PABPC4: variants seen among roughly 807,000 people sequenced by gnomAD.
PABPC4 encodes polyadenylate-binding protein 4.
Under a neutral mutation model 74.5 loss-of-function variants are expected in PABPC4, and 15 were observed. The observed-to-expected ratio is 0.20, with a 90% CI of 0.13 to 0.31. The LOEUF (loss-of-function observed/expected upper bound fraction) is 0.31. Ranked by LOEUF, PABPC4 falls within the 10% of genes least tolerant of loss-of-function variation. The pLI is 1.00. For missense variants in PABPC4, 610 were observed against 853.5 expected (o/e 0.71, Z 3.55); for synonymous variants, 345 against 303.0 (o/e 1.14, Z -1.44).
chr1:39,572,732 C>T, intron 1 of PABPC4, 146 bp from the exon 2 acceptor site: 1 of 594,068 alleles, frequency 1.7e-6, no homozygotes, highest in South Asian at 2.4e-5. Context: ...CATCAGATTC[C>T]TCCAGCCTGC....
In PABPC4 at chr1:39,563,710, T is replaced by G; in HGVS notation, c.1572A>C (p.Pro524=). Residue 524 remains proline (P), a synonymous_variant, in exon 12 of 16, where the codon CCA becomes CCC. Transcript: ENST00000372858. ...GVPTAVQNLA[P]RAAVAAAAPR... ...GAGCAGCAGCAGCAACAGCAGCGCG[T>G]GGCGCTAAGTTCTGCACAGCTGTGG... is the stretch of plus-strand genomic sequence containing the variant. 6.2e-7 allele frequency: 1 copy of G among 1,614,238 alleles called. No individual in the cohort carries two copies.
Position 39,561,669 on chromosome 1 carries a change from A to G in PABPC4, c.*13+16T>C. On this transcript the variant is annotated intron_variant, in intron 15 of 15. Coordinates refer to ENST00000372858, the MANE Select transcript of PABPC4 (RefSeq NM_001135653.2). ...ACAATGCTCATAGGAACAAAAATGA[A>G]AATAGCCACACATACGGTTTTTCCT... 6.4e-7 allele frequency: 1 copy of G among 1,571,960 alleles called. No individual in the cohort carries two copies. The highest frequency in any genetic ancestry group is 1.3e-5 in the African/African-American group (1 of 74,116).
chr1:39,566,477 C>A (rs765780218), intron 7 of PABPC4, among the ~76,000 whole-genome samples: 1 of 152,192 alleles, frequency 6.6e-6, no homozygotes, highest in Non-Finnish European at 1.5e-5. Context: ...CTGGTTCAGG[C>A]AGTCTTTTCC....
At chr1:39,567,593 G>A (rs747846815) in intron 7 of PABPC4, 158 bp downstream of exon 7, 15 of 700,264 alleles carry the variant, frequency 2.1e-5, no homozygotes, top group Non-Finnish European at 3.4e-5. Context: ...CTAATGAAAT[G>A]TCATTCTCCA....
chr1:39,570,180 T>C (rs1239339375), intron 3 of PABPC4, among the ~76,000 whole-genome samples, 178 bp from the exon 4 acceptor site: 1 of 152,220 alleles, frequency 6.6e-6, no homozygotes, highest in African/African-American at 2.4e-5. Flanking sequence ...AAGGCAGGAC[T>C]ATCCTGTGAG....
intron 3 of PABPC4, chr1:39,570,701 GGGATGGGATTTTTT>G (rs1308768206): frequency 1.3e-5 from 2 of 157,932 alleles, no homozygotes; most frequent in African/African-American, 4.8e-5. Flanking sequence ...TTTCTGCAAA[GGGATGGGATTTTTT>G]CATTGTCACC....
At chr1:39,570,130 G>C (rs1645916877) in intron 3 of PABPC4, 128 bp from the exon 4 acceptor site, 1 of 878,730 alleles carries the variant, frequency 1.1e-6, no homozygotes, top group Admixed American at 2.4e-5. Context: ...CACCACCAAG[G>C]AGGCTCAGAG....
chr1:39,572,264 T>C, intron 2 of PABPC4, 129 bp downstream of exon 2: 1 of 720,920 alleles, frequency 1.4e-6, no homozygotes, highest in South Asian at 1.9e-5. Context: ...ACTTTTAGGA[T>C]TCCATGTCCA....
At chr1:39,565,807 G>T (rs887644980) in intron 7 of PABPC4, among the ~76,000 whole-genome samples, 2 of 151,648 alleles carry the variant, frequency 1.3e-5, no homozygotes, top group Admixed American at 6.6e-5. Context: ...CAGCCTGGGC[G>T]ACAGAGCGAG....
In PABPC4 at chr1:39,573,688, G is replaced by A. The variant is rs987771892; in HGVS notation, c.194-1102C>T. ...TACACAATTAGCTGGGCATGGTGGC[G>A]GGTGCCTGTAATCCCAGCTACTCAG... is the stretch of plus-strand genomic sequence containing the variant. On this transcript the variant is annotated intron_variant, in intron 1 of 15. Coordinates refer to ENST00000372858, the MANE Select transcript of PABPC4 (RefSeq NM_001135653.2). Among the ~76,000 whole-genome samples, 14 of 152,184 alleles carry A rather than the reference G, an allele frequency of 9.2e-5. No homozygotes were observed. The East Asian group carries it at 2.3e-3, about 25-fold the overall frequency.
At position 39,563,699 on chromosome 1, in the gene PABPC4, A is replaced by G; in HGVS notation, c.1583T>C (p.Val528Ala). The G allele has an allele frequency of 6.2e-7, 1 of 1,614,230 alleles. No homozygotes were observed. The highest frequency in any genetic ancestry group is 8.5e-7 in the Non-Finnish European group (1 of 1,180,028). The change falls in exon 12 of 16, where the codon GTT becomes GCT. Residue 528 changes from valine to alanine, a missense_variant. By Grantham distance (64) the Val-to-Ala change is moderately conservative (BLOSUM62 0). This residue lies in a region of PABPC4 where 277 missense variants were observed against 301.8 expected (regional missense o/e 0.92). Transcript: ENST00000372858. Reference protein sequence around the residue: ...AVQNLAPRAAVAAAAPRAVAP... With the variant: ...AVQNLAPRAAAAAAAPRAVAP... ...AACAGCCCGGGGAGCAGCAGCAGCA[A>G]CAGCAGCGCGTGGCGCTAAGTTCTG...
Position 39,576,293 on chromosome 1 carries a change from CT to C in PABPC4, c.-343del, listed in dbSNP as rs1646025030. On this transcript the variant is annotated 5_prime_UTR_variant, in exon 1 of 16. Transcript: ENST00000372858. ...AATCCCCTTCCGAAGGGTAAAAATC[CT>C]TTAAGAGGCGACCGGACGCTGCCCA... 4.7e-6 allele frequency: 1 copy of C among 211,976 alleles called. No homozygotes were observed. Among genetic ancestry groups the C allele is most frequent in the Non-Finnish European group, 9.3e-6 (1 of 107,356 alleles). The allele number at this position is 211,976 out of a possible 1,614,324, so 13.1% of individuals were successfully genotyped here. A position where few individuals can be genotyped will look rare whatever the true frequency, so the allele number is the denominator to read the frequency against.
At chr1:39,574,698 C>G (rs1645991372) in intron 1 of PABPC4, among the ~76,000 whole-genome samples, 2 of 152,214 alleles carry the variant, frequency 1.3e-5, no homozygotes, top group African/African-American at 2.4e-5. Context: ...TAACTCTGGG[C>G]CTCAGACAGA....
intron 5 of PABPC4, 29 bp downstream of exon 5, chr1:39,569,566 G>C (rs1645906831): frequency 6.4e-7 from 1 of 1,569,798 alleles, no homozygotes; most frequent in African/African-American, 1.4e-5. Context: ...CCTCTTAAAA[G>C]CTTTTCCCAA....
chr1:39,564,310 C>T (rs1645803424), intron 10 of PABPC4, 113 bp downstream of exon 10: 1 of 1,286,998 alleles, frequency 7.8e-7, no homozygotes, highest in South Asian at 1.5e-5. Context: ...GCTAAGATTA[C>T]AGAACCAGGA....
At chr1:39,565,611 C>T (rs35270389) in intron 7 of PABPC4, among the ~76,000 whole-genome samples, 11,028 of 152,056 alleles carry the variant, frequency 0.073, 444 homozygotes, top group Middle Eastern at 0.11. Flanking sequence ...GGGTGGATCA[C>T]GAGGTCAGGA....
chr1:39,560,912 A>G lies in PABPC4; in HGVS notation c.*224T>C, dbSNP rs1304516916. On this transcript the variant is annotated 3_prime_UTR_variant, in exon 16 of 16. Transcript: ENST00000372858. ...GGAAAAAATCAAAACCCACAATAAA[A>G]AAAAAGTTAACACTGTCTGGGCCAC... 5.0e-6 allele frequency: 1 copy of G among 199,756 alleles called. No homozygotes were observed. The highest frequency in any genetic ancestry group is 1.1e-5 in the Non-Finnish European group (1 of 92,606). The allele number at this position is 199,756 out of a possible 1,614,324, so 12.4% of individuals were successfully genotyped here.
At chr1:39,565,830 A>C (rs1270580285) in intron 7 of PABPC4, among the ~76,000 whole-genome samples, 1 of 95,720 alleles carries the variant, frequency 1.0e-5, no homozygotes, top group Non-Finnish European at 2.2e-5. Flanking sequence ...TCCATCTCCA[A>C]AACAAAACAA....
In PABPC4 at chr1:39,575,781, G is replaced by T. The variant is rs1266665390; in HGVS notation, c.171C>A (p.Val57=). The T allele has an allele frequency of 6.2e-7, 1 of 1,602,848 alleles. No homozygotes were observed. Among genetic ancestry groups the T allele is most frequent in the African/African-American group, 1.4e-5 (1 of 73,970 alleles). ...ITRRSLGYAY[V]NFQQPADAER... is the part of the protein sequence containing the mutation. ...CACCGTCGGCCGGCTGCTGGAAGTT[G>T]ACGTAGGCATAGCCCAGGGAGCGGC... Residue 57 remains valine (V), a synonymous_variant, in exon 1 of 16, where the codon GTC becomes GTA. Coordinates refer to ENST00000372858, the MANE Select transcript of PABPC4 (RefSeq NM_001135653.2).
Sources: allele counts gnomAD v4.1 joint callset (sites outside exome capture counted in the v4.1 genomes callset), GRCh38; gene constraint gnomAD v4.1.1; regional missense constraint gnomAD v4.1.1; transcripts MANE v1.5; gene names NCBI Gene and HGNC (gene_info 2026-07-23, HGNC 2026-07-21).